The following MAD1L1 variants were observed in gnomAD, a reference collection of about 807,000 sequenced individuals.
The protein encoded by MAD1L1 is mitotic spindle assembly checkpoint protein MAD1.
In MAD1L1, 95 loss-of-function variants were observed where a neutral mutation model predicts 96.9. That is an observed-to-expected ratio of 0.98 (90% CI 0.83 to 1.16). MAD1L1 has a LOEUF of 1.16. Among genes scored for constraint, MAD1L1 ranks in the 50% most tolerant of loss-of-function variants. MAD1L1 has a pLI of 0.00. For missense variants in MAD1L1, 1,007 were observed against 954.4 expected (o/e 1.06, Z -0.73); for synonymous variants, 473 against 396.6 (o/e 1.19, Z -2.29).
At chr7:1,963,569 C>T (rs1422499522) in intron 15 of MAD1L1, among the ~76,000 whole-genome samples, 1 of 152,228 alleles carries the variant, frequency 6.6e-6, no homozygotes, top group Non-Finnish European at 1.5e-5. Context: ...GCTTACTGCA[C>T]ACCAGTTATA....
intron 11 of MAD1L1, among the ~76,000 whole-genome samples, chr7:2,102,280 C>CCGTCACCGTCACCAT (rs1562688649): frequency 9.3e-5 from 14 of 150,548 alleles, no homozygotes; most frequent in African/African-American, 2.9e-4. Flanking sequence ...ACTATCACCA[C>CCGTCACCGTCACCAT]CACCACCGCC....
At chr7:2,120,290 C>A (rs1170327308) in intron 11 of MAD1L1, among the ~76,000 whole-genome samples, 1 of 152,238 alleles carries the variant, frequency 6.6e-6, no homozygotes, top group Non-Finnish European at 1.5e-5. Context: ...GCAAATGGCA[C>A]CTCCTAAAGT....
intron 18 of MAD1L1, among the ~76,000 whole-genome samples, chr7:1,895,691 G>A (rs551220475): frequency 2.0e-4 from 30 of 152,364 alleles, no homozygotes; most frequent in Admixed American, 9.1e-4. Flanking sequence ...GGGCCTCTGC[G>A]GGCACCAGGC....
chr7:2,060,168 TACGCCG>T (rs1784580347), intron 12 of MAD1L1, among the ~76,000 whole-genome samples: 2 of 146,356 alleles, frequency 1.4e-5, no homozygotes, highest in African/African-American at 5.3e-5. Flanking sequence ...GAAGCCGAGA[TACGCCG>T]ATGCCGAGAT....
At chr7:2,147,540 C>G (rs1053535345) in intron 11 of MAD1L1, among the ~76,000 whole-genome samples, 1 of 152,242 alleles carries the variant, frequency 6.6e-6, no homozygotes, top group African/African-American at 2.4e-5. Context: ...CAGCGCAGTA[C>G]TGAGGACCTC....
intron 13 of MAD1L1, among the ~76,000 whole-genome samples, chr7:2,005,205 C>T (rs866561863): frequency 6.6e-6 from 1 of 152,192 alleles, no homozygotes; most frequent in Admixed American, 6.5e-5. Context: ...ATCACAGGAG[C>T]CATCCAGCCA....
rs1238324778 is a variant in MAD1L1, at chr7:2,049,025, T to G, written c.1218+20169A>C. ...CCTTAGAATAGAACTAACCATATGT[T>G]TGTTGAGTGAGTTGATGATGAACTA... On this transcript the variant is annotated intron_variant, in intron 12 of 18. Transcript: ENST00000265854. Among the ~76,000 whole-genome samples, 7 of 152,272 alleles carry G rather than the reference T, an allele frequency of 4.6e-5. No individual in the cohort carries two copies. The South Asian group carries it at 1.4e-3, about 31-fold the overall frequency.
intron 13 of MAD1L1, among the ~76,000 whole-genome samples, chr7:2,009,013 A>G (rs536058248): frequency 6.6e-6 from 1 of 152,268 alleles, no homozygotes; most frequent in African/African-American, 2.4e-5. Context: ...GCAGGCCCCC[A>G]GCGCAGCCAC....
chr7:2,226,875 A>AT (rs1478359550), intron 3 of MAD1L1, among the ~76,000 whole-genome samples: 1 of 151,834 alleles, frequency 6.6e-6, no homozygotes, highest in African/African-American at 2.4e-5. Flanking sequence ...CTGTAACCCC[A>AT]GCTACTCAGG....
At chr7:2,116,457 C>T (rs1787698325) in intron 11 of MAD1L1, among the ~76,000 whole-genome samples, 1 of 151,962 alleles carries the variant, frequency 6.6e-6, no homozygotes. Flanking sequence ...CCCCAGAGAG[C>T]CAGCGCAGAC....
chr7:2,209,096 G>T (rs1792752619), intron 10 of MAD1L1, among the ~76,000 whole-genome samples: 1 of 152,116 alleles, frequency 6.6e-6, no homozygotes, highest in Non-Finnish European at 1.5e-5. Context: ...AAACTAACAT[G>T]CCCCCAGCCT....
At chr7:1,997,940 G>A (rs1309092157) in intron 14 of MAD1L1, among the ~76,000 whole-genome samples, 2 of 147,772 alleles carry the variant, frequency 1.4e-5, no homozygotes, top group South Asian at 2.3e-4. Context: ...TCAACCCAGG[G>A]AGGGGTAAAA....
rs547019121 is a variant in MAD1L1 at position 1,901,453 on chromosome 7, C to T, written c.1808-3063G>A. 6.6e-5 allele frequency among the ~76,000 whole-genome samples: 10 copies of T among 152,326 alleles called. No homozygotes were observed. In the South Asian group the frequency reaches 1.4e-3, roughly 22 times the overall value. On this transcript the variant is annotated intron_variant, in intron 17 of 18. Coordinates refer to ENST00000265854, the MANE Select transcript of MAD1L1 (RefSeq NM_001013836.2). ...TGGCAGAGACCCCCAGGGTGAGAGGCGACAGCCCTGTGCCCGACCCCAGCC... is the reference window on the plus strand; with the variant it reads ...TGGCAGAGACCCCCAGGGTGAGAGGTGACAGCCCTGTGCCCGACCCCAGCC...
chr7:2,187,786 A>C lies in MAD1L1; in HGVS notation c.986+25426T>G, dbSNP rs1446585645. 2.0e-5 allele frequency among the ~76,000 whole-genome samples: 3 copies of C among 152,306 alleles called. No individual in the cohort carries two copies. In the East Asian group the frequency reaches 5.8e-4, roughly 29 times the overall value. ...GAACTGAACTAGCCCTTTTTATGTAAAATATTTTACTTAAAAACTAACTGA... is the reference window on the plus strand; with the variant it reads ...GAACTGAACTAGCCCTTTTTATGTACAATATTTTACTTAAAAACTAACTGA... On this transcript the variant is annotated intron_variant, in intron 10 of 18. Coordinates refer to ENST00000265854, the MANE Select transcript of MAD1L1 (RefSeq NM_001013836.2).
chr7:2,208,787 G>A (rs141522928), intron 10 of MAD1L1, among the ~76,000 whole-genome samples: 9 of 152,126 alleles, frequency 5.9e-5, no homozygotes, highest in Admixed American at 3.3e-4. Context: ...TCCTGTGCCC[G>A]AGGTCTTGCC....
At chr7:2,099,204 C>T (rs1244109342) in intron 11 of MAD1L1, among the ~76,000 whole-genome samples, 1 of 152,214 alleles carries the variant, frequency 6.6e-6, no homozygotes, top group African/African-American at 2.4e-5. Context: ...CAGACTCCAC[C>T]CCGACCGCCA....
intron 18 of MAD1L1, among the ~76,000 whole-genome samples, chr7:1,835,975 G>A (rs1306900753): frequency 2.0e-5 from 3 of 152,188 alleles, no homozygotes; most frequent in African/African-American, 4.8e-5. Flanking sequence ...ATATGCTAAT[G>A]CATTATAATT....
chr7:2,049,804 C>T (rs1163722658), intron 12 of MAD1L1, among the ~76,000 whole-genome samples: 2 of 152,186 alleles, frequency 1.3e-5, no homozygotes, highest in Non-Finnish European at 2.9e-5. Context: ...CAGGGCACCT[C>T]ATCCAACATC....
chr7:1,836,261 C>G lies in MAD1L1; in HGVS notation c.1999-20033G>C, dbSNP rs185538075. On this transcript the variant is annotated intron_variant, in intron 18 of 18. Coordinates refer to ENST00000265854, the MANE Select transcript of MAD1L1 (RefSeq NM_001013836.2). Reference sequence around the variant, plus strand: ...GTTCTTGAACTCCTGATCTCATGATCTGCCTGCCTCAGCCTCCCAAAGTGC... The same window carrying G: ...GTTCTTGAACTCCTGATCTCATGATGTGCCTGCCTCAGCCTCCCAAAGTGC... Among the ~76,000 whole-genome samples the G allele has an allele frequency of 4.8e-3, 725 of 152,138 alleles. 4 individuals are homozygous for G. The highest frequency in any genetic ancestry group is 0.017 in the Middle Eastern group (5 of 294).
Sources: allele counts gnomAD v4.1 joint callset (sites outside exome capture counted in the v4.1 genomes callset), GRCh38; gene constraint gnomAD v4.1.1; transcripts MANE v1.5; gene names NCBI Gene and HGNC (gene_info 2026-07-23, HGNC 2026-07-21).